The following RPH3A variants were observed in gnomAD, a reference collection of about 807,000 sequenced individuals.
The protein encoded by RPH3A is rabphilin 3A, also known as rabphilin-3A.
Under a neutral mutation model 102.2 loss-of-function variants are expected in RPH3A, and 48 were observed. That is an observed-to-expected ratio of 0.47 (90% CI 0.37 to 0.60). The LOEUF is 0.60. RPH3A is among the 20% of genes least tolerant of loss of function. RPH3A has a pLI of 0.00. For missense variants in RPH3A, 781 were observed against 910.1 expected (o/e 0.86, Z 1.83); for synonymous variants, 310 against 324.3 (o/e 0.96, Z 0.47).
In RPH3A at chr12:112,598,344, G is replaced by T. The variant is rs137881210; in HGVS notation, c.-140+23025G>T. On this transcript the variant is annotated intron_variant, in intron 1 of 21. Transcript: ENST00000543106. ...AGACGTTGTCAATTCAGTGTGCAAAGAAAGGTGTTAGGGACATCAGTAGTG... is the reference window on the plus strand; with the variant it reads ...AGACGTTGTCAATTCAGTGTGCAAATAAAGGTGTTAGGGACATCAGTAGTG... 5.3e-3 allele frequency among the ~76,000 whole-genome samples: 805 copies of T among 152,290 alleles called. 7 individuals are homozygous for T. Among genetic ancestry groups the T allele is most frequent in the African/African-American group, 0.018 (748 of 41,560 alleles).
At chr12:112,690,616 C>G (rs2040299199) in intron 1 of RPH3A, among the ~76,000 whole-genome samples, 1 of 152,114 alleles carries the variant, frequency 6.6e-6, no homozygotes, top group African/African-American at 2.4e-5. Flanking sequence ...GTAAGAAGAA[C>G]ACACCTATTA....
intron 1 of RPH3A, among the ~76,000 whole-genome samples, chr12:112,709,592 T>A (rs2040446493): frequency 6.6e-6 from 1 of 151,796 alleles, no homozygotes; most frequent in African/African-American, 2.4e-5. Flanking sequence ...GTGCTGTGCA[T>A]GCTATGCATT....
At chr12:112,737,725 T>C (rs149916579) in intron 1 of RPH3A, among the ~76,000 whole-genome samples, 2 of 152,212 alleles carry the variant, frequency 1.3e-5, no homozygotes, top group Admixed American at 6.5e-5. Context: ...GGAAGGTGCA[T>C]AGACCCAGGG....
At chr12:112,576,172 A>G (rs1428317411) in intron 1 of RPH3A, among the ~76,000 whole-genome samples, 2 of 152,196 alleles carry the variant, frequency 1.3e-5, no homozygotes, top group Non-Finnish European at 2.9e-5. Flanking sequence ...AGATCACATG[A>G]GTAGCAAGTG....
At chr12:112,694,683 CAG>C (rs60249683) in intron 1 of RPH3A, among the ~76,000 whole-genome samples, 2,640 of 102,794 alleles carry the variant, frequency 0.026, 28 homozygotes, top group East Asian at 0.062. Flanking sequence ...CACACACACA[CAG>C]AGAGAGAGAG....
intron 1 of RPH3A, among the ~76,000 whole-genome samples, chr12:112,679,222 C>G (rs926471377): frequency 1.3e-5 from 2 of 151,520 alleles, no homozygotes; most frequent in South Asian, 4.2e-4. Flanking sequence ...GGCGCAGTCT[C>G]GGCTCACTGC....
At chr12:112,723,473 G>A (rs2040565103) in intron 1 of RPH3A, among the ~76,000 whole-genome samples, 1 of 152,210 alleles carries the variant, frequency 6.6e-6, no homozygotes, top group Non-Finnish European at 1.5e-5. Context: ...GTGGGCAACT[G>A]CAGCTGCAGA....
intron 1 of RPH3A, among the ~76,000 whole-genome samples, chr12:112,604,599 C>T (rs1480301746): frequency 6.6e-6 from 1 of 152,152 alleles, no homozygotes; most frequent in Non-Finnish European, 1.5e-5. Context: ...CAACATGTAG[C>T]AGCTTACATG....
intron 1 of RPH3A, among the ~76,000 whole-genome samples, chr12:112,691,445 T>C (rs2040306874): frequency 6.6e-6 from 1 of 152,242 alleles, no homozygotes; most frequent in South Asian, 2.1e-4. Context: ...GCTGAGCATA[T>C]GGTGCAATAA....
At chr12:112,736,343 G>A (rs2040669462) in intron 1 of RPH3A, among the ~76,000 whole-genome samples, 1 of 152,210 alleles carries the variant, frequency 6.6e-6, no homozygotes, top group African/African-American at 2.4e-5. Context: ...CTTCTTCATT[G>A]TTTACCTGAC....
chr12:112,858,266 C>CAAAAAAAAAAAAAAAA (rs1164602599), intron 5 of RPH3A, among the ~76,000 whole-genome samples: 78 of 44,764 alleles, frequency 1.7e-3, no homozygotes, highest in Non-Finnish European at 2.1e-3. Context: ...GACCCTGTCT[C>CAAAAAAAAAAAAAAAA]AAAAAAAAAA....
At chr12:112,793,390 G>A (rs2041163374) in intron 2 of RPH3A, among the ~76,000 whole-genome samples, 2 of 152,196 alleles carry the variant, frequency 1.3e-5, no homozygotes, top group African/African-American at 4.8e-5. Flanking sequence ...TTAGATTCTT[G>A]CTCTTGGAGG....
At chr12:112,707,734 A>G (rs1329521423) in intron 1 of RPH3A, among the ~76,000 whole-genome samples, 2 of 152,224 alleles carry the variant, frequency 1.3e-5, no homozygotes, top group African/African-American at 2.4e-5. Context: ...GAGAGATTTT[A>G]TATTTATCAA....
intron 10 of RPH3A, among the ~76,000 whole-genome samples, chr12:112,872,371 T>A (rs1292223503): frequency 1.3e-5 from 2 of 152,198 alleles, no homozygotes; most frequent in Non-Finnish European, 1.5e-5. Flanking sequence ...GCTATTCAAG[T>A]CCTTTGAACA....
intron 5 of RPH3A, among the ~76,000 whole-genome samples, chr12:112,858,289 A>AAAAAAAAG (rs1565923760): frequency 6.8e-6 from 1 of 147,362 alleles, no homozygotes; most frequent in African/African-American, 2.6e-5. Flanking sequence ...AAAAAAAAAA[A>AAAAAAAAG]AAAAAGAAAA....
intron 2 of RPH3A, among the ~76,000 whole-genome samples, chr12:112,817,573 C>A (rs967885296): frequency 1.1e-4 from 16 of 151,858 alleles, no homozygotes; most frequent in African/African-American, 3.9e-4. Flanking sequence ...CACCCCCCAC[C>A]CCCCGCACAC....
At chr12:112,611,851 A>C (rs1179209561) in intron 1 of RPH3A, among the ~76,000 whole-genome samples, 1 of 152,204 alleles carries the variant, frequency 6.6e-6, no homozygotes, top group Non-Finnish European at 1.5e-5. Context: ...GGGAAAAATA[A>C]TTAGAGTCCC....
At chr12:112,887,949 G>C (rs754379994) in intron 17 of RPH3A, 26 bp downstream of exon 17, 3 of 1,610,906 alleles carry the variant, frequency 1.9e-6, no homozygotes, top group Non-Finnish European at 2.5e-6. Flanking sequence ...CTGAGGATCT[G>C]ATGGGAGGAG....
chr12:112,850,560 G>A (rs1180460897), intron 5 of RPH3A, among the ~76,000 whole-genome samples: 4 of 152,274 alleles, frequency 2.6e-5, no homozygotes, highest in African/African-American at 4.8e-5. Flanking sequence ...GGACAGTCCC[G>A]GAAGATTCTG....
Sources: allele counts gnomAD v4.1 joint callset (sites outside exome capture counted in the v4.1 genomes callset), GRCh38; gene constraint gnomAD v4.1.1; transcripts MANE v1.5; gene names NCBI Gene and HGNC (gene_info 2026-07-23, HGNC 2026-07-21).